Variants in C16orf89 observed in about 807,000 individuals in gnomAD.
The protein encoded by C16orf89 is chromosome 16 open reading frame 89.
In C16orf89, 57 loss-of-function variants were observed where a neutral mutation model predicts 41.5. The observed-to-expected ratio is 1.38, with a 90% CI of 1.11 to 1.71. The LOEUF (loss-of-function observed/expected upper bound fraction) is 1.71. Among genes scored for constraint, C16orf89 ranks in the 40% most tolerant of loss-of-function variants. The probability of loss-of-function intolerance (pLI) is 0.00; values close to 1 mark genes in which losing one functional copy is unlikely to be tolerated. For missense variants in C16orf89, 575 were observed against 445.9 expected, an observed-to-expected ratio of 1.29 and a Z score of -2.61; for synonymous variants, 223 against 190.6, an observed-to-expected ratio of 1.17 and a Z score of -1.40.
At chr16:5,055,744 C>G (rs1956486076) in intron 5 of C16orf89, 1 of 1,534,392 alleles carries the variant, frequency 6.5e-7, no homozygotes, top group South Asian at 1.2e-5. Flanking sequence ...AGGAAACTGT[C>G]ACACAGTGGC....
At chr16:5,064,540 C>A (rs915106977) in intron 1 of C16orf89, among the ~76,000 whole-genome samples, 1 of 152,262 alleles carries the variant, frequency 6.6e-6, no homozygotes, top group African/African-American at 2.4e-5. Flanking sequence ...GCAGTTAACT[C>A]AGTGCCATGC....
intron 1 of C16orf89, among the ~76,000 whole-genome samples, chr16:5,063,180 C>T (rs1347023506): frequency 1.3e-5 from 2 of 152,098 alleles, no homozygotes; most frequent in Admixed American, 6.5e-5. Context: ...AGAGCATTCA[C>T]GCAGGGCTGA....
chr16:5,047,284 T>TA (rs1956314788), intron 7 of C16orf89, among the ~76,000 whole-genome samples: 2 of 152,316 alleles, frequency 1.3e-5, no homozygotes, highest in South Asian at 4.1e-4. Context: ...TTTCAGCTCT[T>TA]ACAACACCTC....
intron 6 of C16orf89, among the ~76,000 whole-genome samples, chr16:5,053,473 C>G (rs1004621064): frequency 6.6e-6 from 1 of 151,000 alleles, no homozygotes; most frequent in South Asian, 2.1e-4. Context: ...ACTAGTACAG[C>G]CAGGAGGAGG....
At chr16:5,058,688 T>C (rs1956559232) in intron 3 of C16orf89, 78 bp from the exon 4 acceptor site, 2 of 1,193,294 alleles carry the variant, frequency 1.7e-6, no homozygotes, top group South Asian at 1.4e-5. Context: ...CTAGTTGTAG[T>C]TGTTGGAACT....
In C16orf89 at chr16:5,065,844, G is replaced by A. The variant is rs1555449983; in HGVS notation, c.65C>T (p.Ser22Leu). The A allele has an allele frequency of 2.5e-6, 4 of 1,614,248 alleles. No individual in the cohort carries two copies. In the South Asian group the frequency reaches 4.4e-5, roughly 18 times the overall value. Reference protein sequence around the residue: ...LTALPPLWSSSLPGLDTAESK... With the variant: ...LTALPPLWSSLLPGLDTAESK... The stretch of plus-strand genomic sequence containing the variant: ...TTCAGCAGTGTCCAGCCCAGGCAGT[G>A]AGGAGGACCACAGCGGTGGCAGTGC... The change falls in exon 1 of 8, where the codon TCA (serine) becomes TTA (leucine). Residue 22 changes from serine (S) to leucine (L), a missense_variant. Transcript: ENST00000472572.
Position 5,050,057 on chromosome 16 carries a change from A to C in C16orf89, c.869-2093T>G, listed in dbSNP as rs112569346. Among the ~76,000 whole-genome samples the C allele has an allele frequency of 4.6e-5, 7 of 152,318 alleles. 1 individual carries two copies. The highest frequency in any genetic ancestry group is 1.7e-4 in the African/African-American group (7 of 41,574). ...CAAAGGATCATTAGAGACTATTATAAACAACAAATTAGAAAACCTAGTGGA... is the reference window on the plus strand; with the variant it reads ...CAAAGGATCATTAGAGACTATTATACACAACAAATTAGAAAACCTAGTGGA... On this transcript the variant is annotated intron_variant, in intron 6 of 7. Transcript: ENST00000472572.
intron 5 of C16orf89, chr16:5,055,669 GGTCT>G (rs767160433): frequency 1.3e-6 from 2 of 1,532,080 alleles, no homozygotes; most frequent in Non-Finnish European, 1.7e-6. Context: ...AGGCTTTGTG[GGTCT>G]GTCTGCCAGT....
chr16:5,059,821 T>C (rs541441360), intron 3 of C16orf89, among the ~76,000 whole-genome samples: 102 of 151,496 alleles, frequency 6.7e-4, no homozygotes, highest in African/African-American at 2.3e-3. Flanking sequence ...AGGTCTGCTA[T>C]GTGCTGGGGT....
chr16:5,062,638 C>A (rs79167687), intron 1 of C16orf89, 64 bp from the exon 2 acceptor site: 10 of 1,465,482 alleles, frequency 6.8e-6, no homozygotes, highest in Admixed American at 6.8e-5. Flanking sequence ...TGCCTTGGAA[C>A]AAGAAAAAAA....
At chr16:5,044,784 C>G (rs1390100594) in intron 7 of C16orf89, 22 of 1,163,002 alleles carry the variant, frequency 1.9e-5, no homozygotes, top group Non-Finnish European at 2.5e-5. Context: ...GCAAAGGTTG[C>G]AGTGAGCCGA....
chr16:5,044,843 CAAAA>C, intron 7 of C16orf89: 1 of 1,025,440 alleles, frequency 9.8e-7, no homozygotes, highest in Admixed American at 3.8e-5. Flanking sequence ...GAATCTGTCT[CAAAA>C]AAAAAAAAAG....
chr16:5,048,246 G>A (rs1455210829), intron 6 of C16orf89, among the ~76,000 whole-genome samples: 1 of 152,058 alleles, frequency 6.6e-6, no homozygotes, highest in African/African-American at 2.4e-5. Context: ...TGTTGCCCAG[G>A]CTGGACTTGA....
At chr16:5,059,934 A>C (rs1324326081) in intron 3 of C16orf89, among the ~76,000 whole-genome samples, 1 of 151,764 alleles carries the variant, frequency 6.6e-6, no homozygotes, top group African/African-American at 2.4e-5. Flanking sequence ...GGGGGGAGCA[A>C]AGTCTTTGAA....
chr16:5,044,608 G>A (rs940311454), intron 7 of C16orf89, 130 bp from the exon 8 acceptor site: 1 of 1,485,750 alleles, frequency 6.7e-7, no homozygotes, highest in African/African-American at 1.4e-5. Flanking sequence ...TTGGGAGCCT[G>A]AGGTGGGCGG....
intron 1 of C16orf89, 112 bp downstream of exon 1, chr16:5,065,589 G>A (rs2142687789): frequency 7.9e-7 from 1 of 1,263,084 alleles, no homozygotes. Flanking sequence ...AGCCGAGGCA[G>A]GCTATACTGG....
chr16:5,061,782 CA>C (rs1956632442), intron 2 of C16orf89, among the ~76,000 whole-genome samples: 1 of 152,110 alleles, frequency 6.6e-6, no homozygotes. Context: ...CACCCCCATG[CA>C]TCTGATGGGA....
At chr16:5,058,861 C>T (rs1434069185) in intron 3 of C16orf89, among the ~76,000 whole-genome samples, 1 of 152,096 alleles carries the variant, frequency 6.6e-6, no homozygotes, top group Non-Finnish European at 1.5e-5. Flanking sequence ...TCCTATTGCT[C>T]CATGGGCCAA....
At chr16:5,062,339 C>T in intron 2 of C16orf89, 86 bp downstream of exon 2, 1 of 1,460,552 alleles carries the variant, frequency 6.8e-7, no homozygotes, top group Non-Finnish European at 9.2e-7. Flanking sequence ...CCAGCCTTGC[C>T]CCAGGAGAGC....
Sources: allele counts gnomAD v4.1 joint callset (sites outside exome capture counted in the v4.1 genomes callset), GRCh38; gene constraint gnomAD v4.1.1; transcripts MANE v1.5; gene names NCBI Gene and HGNC (gene_info 2026-07-23, HGNC 2026-07-21).